The following PMEPA1 variants were observed in gnomAD, a reference collection of about 807,000 sequenced individuals.
PMEPA1 encodes the protein prostate transmembrane protein, androgen induced 1, also known as protein TMEPAI.
In PMEPA1, 11 loss-of-function variants were observed where a neutral mutation model predicts 23.0. That is an observed-to-expected ratio of 0.48 (90% confidence interval 0.30 to 0.79). PMEPA1 has a LOEUF of 0.79. Among genes scored for constraint, PMEPA1 ranks in the 30% least tolerant of loss-of-function variants. PMEPA1 has a pLI of 0.06. For synonymous variants in PMEPA1, 204 were observed against 166.4 expected (o/e 1.23, Z -1.74); for missense variants, 377 against 390.9 (o/e 0.96, Z 0.30).
At chr20:57,696,709 G>A (rs1158808044) in intron 1 of PMEPA1, among the ~76,000 whole-genome samples, 1 of 152,160 alleles carries the variant, frequency 6.6e-6, no homozygotes, top group Non-Finnish European at 1.5e-5. Flanking sequence ...TCTTGTCTTT[G>A]TTCCTGAACC....
At chr20:57,657,568 A>T (rs2071344212) in intron 2 of PMEPA1, among the ~76,000 whole-genome samples, 1 of 152,200 alleles carries the variant, frequency 6.6e-6, no homozygotes, top group Non-Finnish European at 1.5e-5. Context: ...GGTCTGCAGC[A>T]CGCCCTCCGG....
chr20:57,695,512 A>G (rs2071933103), intron 1 of PMEPA1, among the ~76,000 whole-genome samples: 1 of 152,250 alleles, frequency 6.6e-6, no homozygotes, highest in Non-Finnish European at 1.5e-5. Flanking sequence ...TTAAAACTGC[A>G]GGCCTGGCCC....
chr20:57,680,721 T>G (rs193147232), intron 1 of PMEPA1, among the ~76,000 whole-genome samples: 2 of 152,356 alleles, frequency 1.3e-5, no homozygotes, highest in East Asian at 1.9e-4. Flanking sequence ...ACATCTGCTT[T>G]GAAAGCAAAC....
chr20:57,652,045 T>C lies in PMEPA1; in HGVS notation c.*8A>G, dbSNP rs2146632716. On this transcript the variant is annotated 3_prime_UTR_variant, in exon 4 of 4. Coordinates refer to ENST00000341744, the MANE Select transcript of PMEPA1 (RefSeq NM_020182.5). This position sits in a 1 kb window ranked among gnomAD's most constrained non-coding sequence, Gnocchi z 6.1. ...CTACGCAGCCCCAGCCCGGCCCCCCTGGGGACCCTAGAGAGGGTGTCCTTT... is the reference window on the plus strand; with the variant it reads ...CTACGCAGCCCCAGCCCGGCCCCCCCGGGGACCCTAGAGAGGGTGTCCTTT... The C allele has an allele frequency of 6.8e-7, 1 of 1,467,790 alleles. No homozygotes were observed. The highest frequency in any genetic ancestry group is 9.0e-7 in the Non-Finnish European group (1 of 1,105,292). 90.9% of individuals were successfully genotyped at this position (1,467,790 alleles called of 1,614,324 possible). A position where few individuals can be genotyped will look rare whatever the true frequency, so the allele number is the denominator to read the frequency against.
intron 1 of PMEPA1, among the ~76,000 whole-genome samples, chr20:57,687,546 C>T (rs892176818): frequency 6.6e-6 from 1 of 152,230 alleles, no homozygotes; most frequent in Admixed American, 6.5e-5. Context: ...GCCCTGCCTC[C>T]AGGAGCTTCC....
intron 1 of PMEPA1, among the ~76,000 whole-genome samples, chr20:57,697,520 C>T (rs555462525): frequency 6.6e-6 from 1 of 152,358 alleles, no homozygotes; most frequent in South Asian, 2.1e-4. Context: ...AGTGAACTTT[C>T]TCACAGCCAT....
upstream of PMEPA1, chr20:57,710,188 C>A: frequency 4.0e-6 from 2 of 502,502 alleles, no homozygotes; most frequent in Non-Finnish European, 6.2e-6. Context: ...CACGTAGACC[C>A]GGCACCCGCG....
At chr20:57,685,122 G>A (rs756625638) in intron 1 of PMEPA1, among the ~76,000 whole-genome samples, 58 of 151,990 alleles carry the variant, frequency 3.8e-4, no homozygotes, top group Middle Eastern at 6.8e-3. Context: ...CATTTCCCCC[G>A]AGAACGTGCA....
chr20:57,652,616 GGAGT>G lies in PMEPA1; in HGVS notation c.319-22_319-19del. 6.9e-7 allele frequency: 1 copy of G among 1,452,384 alleles called. No homozygotes were observed. The highest frequency in any genetic ancestry group is 9.1e-7 in the Non-Finnish European group (1 of 1,104,454). 90.0% of individuals were successfully genotyped at this position (1,452,384 alleles called of 1,614,324 possible). ...ACCTGCGGCTGGAGGAAGCAGAGCGGGAGTGAGGGAGGGCGGCTGTCTCAGGTGG... is the reference window on the plus strand; with the variant it reads ...ACCTGCGGCTGGAGGAAGCAGAGCGGGAGGGAGGGCGGCTGTCTCAGGTGG... On this transcript the variant is annotated intron_variant, in intron 3 of 3. Transcript: ENST00000341744. The surrounding 1 kb of genome is among the most constrained non-coding windows in gnomAD (Gnocchi z 6.1).
intron 1 of PMEPA1, chr20:57,700,333 T>C (rs1309540056): frequency 3.4e-5 from 12 of 351,094 alleles, no homozygotes. Context: ...TTGATCTATT[T>C]GGTGCCAAGA....
At position 57,655,937 on chromosome 20, in the gene PMEPA1, T is replaced by G. The variant is rs909181845; in HGVS notation, c.265-2851A>C. On this transcript the variant is annotated intron_variant, in intron 2 of 3. Transcript: ENST00000341744. This position sits in a 1 kb window ranked among gnomAD's most constrained non-coding sequence, Gnocchi z 4.2. Reference sequence around the variant, plus strand: ...TGGGCAAAACGCACTCGAAAACACTTCATTCACACTCAGAAAAGACCTCAT... The same window carrying G: ...TGGGCAAAACGCACTCGAAAACACTGCATTCACACTCAGAAAAGACCTCAT... Among the ~76,000 whole-genome samples, 6 of 151,958 alleles carry G rather than the reference T, an allele frequency of 3.9e-5. No homozygotes were observed. The highest frequency in any genetic ancestry group is 1.4e-4 in the African/African-American group (6 of 41,396).
rs534449831 is a variant in PMEPA1 at position 57,660,167 on chromosome 20, GGGA to G, written c.110-473_110-471del. On this transcript the variant is annotated intron_variant, in intron 1 of 3. Coordinates refer to ENST00000341744, the MANE Select transcript of PMEPA1 (RefSeq NM_020182.5). ...TTAGGGGCCCAGGGAGGGAGCAGTT[GGGA>G]GGAGAAGGGGACCCCTGAGTGCGGA... is the stretch of plus-strand genomic sequence containing the variant. Among the ~76,000 whole-genome samples the G allele has an allele frequency of 4.4e-3, 664 of 152,238 alleles. 2 individuals carry two copies. The highest frequency in any genetic ancestry group is 0.024 in the Middle Eastern group (7 of 294).
At chr20:57,673,631 C>T (rs945542070) in intron 1 of PMEPA1, among the ~76,000 whole-genome samples, 3 of 152,144 alleles carry the variant, frequency 2.0e-5, no homozygotes, top group African/African-American at 7.2e-5. Context: ...TGGTGTCAAG[C>T]ACAGGCCACC....
intron 1 of PMEPA1, among the ~76,000 whole-genome samples, chr20:57,663,078 C>T (rs2071445843): frequency 6.6e-6 from 1 of 152,206 alleles, no homozygotes; most frequent in Non-Finnish European, 1.5e-5. Context: ...AAATGAGCAC[C>T]GGGCTCAGTA....
intron 1 of PMEPA1, among the ~76,000 whole-genome samples, chr20:57,662,717 C>T (rs1227474762): frequency 6.6e-6 from 1 of 152,100 alleles, no homozygotes; most frequent in Non-Finnish European, 1.5e-5. Flanking sequence ...CCCCCCCACC[C>T]CCGGGGCCTG....
chr20:57,677,243 A>C (rs1256239760), intron 1 of PMEPA1, among the ~76,000 whole-genome samples: 2 of 152,142 alleles, frequency 1.3e-5, no homozygotes, highest in Non-Finnish European at 2.9e-5. Flanking sequence ...GTGTGTCTCC[A>C]CTTCCTTGTC....
intron 1 of PMEPA1, among the ~76,000 whole-genome samples, chr20:57,668,433 G>A (rs1005942440): frequency 7.2e-5 from 11 of 152,190 alleles, no homozygotes; most frequent in Non-Finnish European, 1.3e-4. Flanking sequence ...CAAGAACTAC[G>A]AAAGTTAACT....
intron 1 of PMEPA1, among the ~76,000 whole-genome samples, chr20:57,692,997 A>G (rs1264364603): frequency 2.0e-5 from 3 of 152,222 alleles, no homozygotes; most frequent in Non-Finnish European, 4.4e-5. Context: ...ACCTGGCAGA[A>G]TCAGGGCATA....
Position 57,652,515 on chromosome 20 carries a change from C to G in PMEPA1, c.402G>C (p.Gln134His). 6.3e-7 allele frequency: 1 copy of G among 1,580,580 alleles called. No homozygotes were observed. The highest frequency in any genetic ancestry group is 8.6e-7 in the Non-Finnish European group (1 of 1,161,386). Residue 134 changes from glutamine to histidine, a missense_variant, in exon 4 of 4, where the codon CAG (glutamine) becomes CAC (histidine). Coordinates refer to ENST00000341744, the MANE Select transcript of PMEPA1 (RefSeq NM_020182.5). This position sits in a 1 kb window ranked among gnomAD's most constrained non-coding sequence, Gnocchi z 6.1. ...FAQRERFHRF[Q>H]PTYPYLQHEI... Reference sequence around the variant, plus strand: ...CGTGCTGCAGGTACGGATAGGTGGGCTGGAAGCGGTGGAAGCGCTCCCGCT... The same window carrying G: ...CGTGCTGCAGGTACGGATAGGTGGGGTGGAAGCGGTGGAAGCGCTCCCGCT...
Sources: gnomAD v4.1 joint callset for allele counts (sites outside exome capture counted in the v4.1 genomes callset) on GRCh38, gnomAD v4.1.1 for gene constraint, Gnocchi (gnomAD v3.1) non-coding constraint, MANE v1.5 for transcripts, NCBI Gene and HGNC (gene_info 2026-07-23, HGNC 2026-07-21) for gene names.